ITGA4: variants seen among roughly 807,000 people sequenced by gnomAD.
ITGA4 encodes the protein integrin subunit alpha 4.
ITGA4 carries 63 observed loss-of-function variants against 133.6 expected under a neutral mutation model. The ratio of observed to expected loss-of-function variants is 0.47; its 90% CI spans 0.38 to 0.58. The LOEUF (loss-of-function observed/expected upper bound fraction) is 0.58, where lower values mean the gene tolerates loss of function less well. ITGA4 is among the 20% of genes least tolerant of loss of function. The pLI is 0.00. For synonymous variants in ITGA4, 483 were observed against 438.0 expected (o/e 1.10, Z -1.28); for missense variants, 1,076 against 1,252.7 (o/e 0.86, Z 2.13).
At chr2:181,502,779 T>C (rs943450622) in intron 15 of ITGA4, among the ~76,000 whole-genome samples, 5 of 152,092 alleles carry the variant, frequency 3.3e-5, no homozygotes, top group South Asian at 4.1e-4. Flanking sequence ...CTTGCACTTA[T>C]TGTCATAAAC....
At chr2:181,530,746 T>C (rs1686928261) in intron 24 of ITGA4, 97 bp downstream of exon 24, 5 of 1,102,236 alleles carry the variant, frequency 4.5e-6, no homozygotes, top group East Asian at 2.5e-5. Flanking sequence ...ACTTCAATAA[T>C]AAGAGAGAAG....
In ITGA4 at chr2:181,460,566, A is replaced by AGTGT. The variant is rs61016862; in HGVS notation, c.319+2283_319+2286dup. 2.4e-3 allele frequency among the ~76,000 whole-genome samples: 361 copies of AGTGT among 148,052 alleles called. 1 individual carries two copies. Among genetic ancestry groups the AGTGT allele is most frequent in the African/African-American group, 8.8e-3 (353 of 40,312 alleles). The stretch of plus-strand genomic sequence containing the variant: ...ATATATAAGCCATCTTCTGTAGAAG[A>AGTGT]GTGTGTGTGTGTGTGTGTGTGTGTG... On this transcript the variant is annotated intron_variant, in intron 2 of 27. Coordinates refer to ENST00000397033, the MANE Select transcript of ITGA4 (RefSeq NM_000885.6).
intron 15 of ITGA4, among the ~76,000 whole-genome samples, chr2:181,501,122 C>T (rs1458698853): frequency 6.6e-6 from 1 of 152,074 alleles, no homozygotes; most frequent in Non-Finnish European, 1.5e-5. Context: ...AGCAACAACA[C>T]CTGTAGGGCT....
At chr2:181,481,508 G>A (rs532246751) in intron 6 of ITGA4, 90 bp from the exon 7 acceptor site, 4 of 513,266 alleles carry the variant, frequency 7.8e-6, no homozygotes, top group South Asian at 6.2e-5. Flanking sequence ...TTTTGAATTC[G>A]GTATCATTTA....
intron 5 of ITGA4, chr2:181,479,097 T>A: frequency 4.2e-6 from 1 of 239,652 alleles, no homozygotes; most frequent in Non-Finnish European, 8.0e-6. Flanking sequence ...AAATCAAAAG[T>A]AGCTATGGTT....
intron 14 of ITGA4, among the ~76,000 whole-genome samples, chr2:181,496,570 A>G (rs1466222114): frequency 6.6e-6 from 1 of 152,192 alleles, no homozygotes; most frequent in Non-Finnish European, 1.5e-5. Flanking sequence ...TGTATAGGCA[A>G]CTCTCAATTA....
chr2:181,516,917 T>C lies in ITGA4; in HGVS notation c.1922+5142T>C, dbSNP rs539920262. ...ACGAATATTTGGCTCACTGACAGCA[T>C]AAAGTTTTGGGAGAATGAATTATAT... On this transcript the variant is annotated intron_variant, in intron 17 of 27. Transcript: ENST00000397033. This position sits in a 1 kb window ranked among gnomAD's most constrained non-coding sequence, Gnocchi z 4.0. Among the ~76,000 whole-genome samples, 12 of 152,078 alleles carry C rather than the reference T, an allele frequency of 7.9e-5. No individual in the cohort carries two copies. Among genetic ancestry groups the C allele is most frequent in the South Asian group, 4.1e-4 (2 of 4,820 alleles).
At chr2:181,469,568 A>G (rs1432400258) in intron 2 of ITGA4, among the ~76,000 whole-genome samples, 1 of 152,242 alleles carries the variant, frequency 6.6e-6, no homozygotes, top group African/African-American at 2.4e-5. Flanking sequence ...ATGACTGGGT[A>G]TATACCCAAA....
At chr2:181,480,470 AAATCATCAATATATAATTCTT>A (rs1229361997) in intron 6 of ITGA4, among the ~76,000 whole-genome samples, 1 of 152,214 alleles carries the variant, frequency 6.6e-6, no homozygotes, top group East Asian at 1.9e-4. Context: ...CATGTGACTA[AAATCATCAATATATAATTCTT>A]AATAGAACTC....
intron 11 of ITGA4, among the ~76,000 whole-genome samples, chr2:181,494,405 A>T (rs1396401118): frequency 6.6e-6 from 1 of 152,164 alleles, no homozygotes; most frequent in Non-Finnish European, 1.5e-5. Context: ...CCAGGAGTTC[A>T]AGGCCAGCCC....
intron 6 of ITGA4, among the ~76,000 whole-genome samples, chr2:181,480,883 T>C (rs1685785720): frequency 6.6e-6 from 1 of 152,170 alleles, no homozygotes; most frequent in Non-Finnish European, 1.5e-5. Context: ...TCATCTGTAT[T>C]TCAACAGAAA....
chr2:181,468,350 TGA>T (rs1478461695), intron 2 of ITGA4, among the ~76,000 whole-genome samples: 1 of 152,202 alleles, frequency 6.6e-6, no homozygotes, highest in East Asian at 1.9e-4. Flanking sequence ...CTTAGATCTC[TGA>T]GAGTTTGGTG....
chr2:181,523,380 G>A lies in ITGA4; in HGVS notation c.2074-57G>A. 3.9e-6 allele frequency: 4 copies of A among 1,022,144 alleles called. No individual in the cohort carries two copies. The highest frequency in any genetic ancestry group is 6.2e-6 in the Non-Finnish European group (4 of 645,702). The allele number at this position is 1,022,144 out of a possible 1,614,324, so 63.3% of individuals were successfully genotyped here. ...TTTCAATAACCATCCTTAAACATAT[G>A]TTACAAACTTTTTATTTCCTTCCTG... On this transcript the variant is annotated intron_variant, in intron 18 of 27. Coordinates refer to ENST00000397033, the MANE Select transcript of ITGA4 (RefSeq NM_000885.6). The surrounding 1 kb of genome is among the most constrained non-coding windows in gnomAD (Gnocchi z 4.2).
chr2:181,473,348 AT>A (rs1249009385), intron 2 of ITGA4, among the ~76,000 whole-genome samples: 1 of 152,212 alleles, frequency 6.6e-6, no homozygotes, highest in Non-Finnish European at 1.5e-5. Context: ...CCTTAGCAGA[AT>A]CTAATGCCAG....
chr2:181,527,244 A>T, intron 21 of ITGA4, 53 bp from the exon 22 acceptor site: 3 of 1,054,894 alleles, frequency 2.8e-6, no homozygotes, highest in Non-Finnish European at 4.4e-6. Flanking sequence ...AAGACTCTTT[A>T]TAATACGTCA....
chr2:181,537,910 G>A lies in ITGA4; in HGVS notation c.*2383G>A, dbSNP rs1382218811. On this transcript the variant is annotated 3_prime_UTR_variant, in exon 28 of 28. Coordinates refer to ENST00000397033, the MANE Select transcript of ITGA4 (RefSeq NM_000885.6). ...GGAGCATTACTGAGTTCCTCCCCCT[G>A]TCAGATCAGCAGCAGCATTAGATTC... is the stretch of plus-strand genomic sequence containing the variant. 2.1e-5 allele frequency: 12 copies of A among 572,240 alleles called. No individual in the cohort carries two copies. Among genetic ancestry groups the A allele is most frequent in the Non-Finnish European group, 3.0e-5 (9 of 302,274 alleles). The allele number at this position is 572,240 out of a possible 1,614,324, so 35.4% of individuals were successfully genotyped here. A position where few individuals can be genotyped will look rare whatever the true frequency, so the allele number is the denominator to read the frequency against.
In ITGA4 at chr2:181,457,796, C is replaced by G. The variant is rs201830618; in HGVS notation, c.142C>G (p.His48Asp). 1 of 1,613,756 alleles carries G rather than the reference C, an allele frequency of 6.2e-7. No homozygotes were observed. Among genetic ancestry groups the G allele is most frequent in the Non-Finnish European group, 8.5e-7 (1 of 1,179,990 alleles). ...TESALLYQGP[H>D]NTLFGYSVVL... ...GAGCGCGCTGCTTTACCAGGGCCCC[C>G]ACAACACGCTGTTCGGCTACTCGGT... Residue 48 changes from histidine to aspartate, a missense_variant, in exon 1 of 28, where the codon CAC becomes GAC. Transcript: ENST00000397033.
chr2:181,485,867 C>T lies in ITGA4; in HGVS notation c.1042-14C>T, dbSNP rs1388910976. ...AGTGTTATAATGACACGTTTTCTCT[C>T]CCTTTCTATCTAGGGAGCAGTAATG... is the stretch of plus-strand genomic sequence containing the variant. On this transcript the variant is annotated splice_polypyrimidine_tract_variant and intron_variant, in intron 9 of 27. Transcript: ENST00000397033. The T allele has an allele frequency of 1.9e-6, 3 of 1,586,116 alleles. No homozygotes were observed. The South Asian group carries it at 3.5e-5, about 18-fold the overall frequency.
In ITGA4 at chr2:181,495,984, C is replaced by G. The variant is rs1186494189; in HGVS notation, c.1540+47C>G. 1.3e-6 allele frequency: 2 copies of G among 1,578,130 alleles called. No homozygotes were observed. Among genetic ancestry groups the G allele is most frequent in the Non-Finnish European group, 8.7e-7 (1 of 1,153,654 alleles). ...AATGCTTGATGGGGTGCGGTTCATT[C>G]ATTAATCCCACAATCCTGCTTGGAG... is the stretch of plus-strand genomic sequence containing the variant. On this transcript the variant is annotated intron_variant, in intron 14 of 27. Coordinates refer to ENST00000397033, the MANE Select transcript of ITGA4 (RefSeq NM_000885.6). This position sits in a 1 kb window ranked among gnomAD's most constrained non-coding sequence, Gnocchi z 4.3.
Sources: allele counts gnomAD v4.1 joint callset (sites outside exome capture counted in the v4.1 genomes callset), GRCh38; gene constraint gnomAD v4.1.1; non-coding constraint Gnocchi (gnomAD v3.1); transcripts MANE v1.5; gene names NCBI Gene and HGNC (gene_info 2026-07-23, HGNC 2026-07-21).